Variants in DIAPH1 observed in about 807,000 individuals in gnomAD.
DIAPH1 encodes the protein protein diaphanous homolog 1.
DIAPH1 carries 46 observed loss-of-function variants against 140.7 expected under a neutral mutation model. The ratio of observed to expected loss-of-function variants is 0.33; its 90% CI spans 0.26 to 0.42. DIAPH1 has a LOEUF of 0.42. DIAPH1 is among the 10% of genes least tolerant of loss of function. The pLI is 1.00. For synonymous variants in DIAPH1, 565 were observed against 551.6 expected, an observed-to-expected ratio of 1.02 and a Z score of -0.34; for missense variants, 1,310 against 1,558.7, an observed-to-expected ratio of 0.84 and a Z score of 2.69.
At chr5:141,587,518 T>C (rs1206195085) in intron 2 of DIAPH1, 1 of 348,204 alleles carries the variant, frequency 2.9e-6, no homozygotes, top group Non-Finnish European at 5.4e-6. Context: ...TGAAAGCCTC[T>C]CATGACAGAG....
intron 18 of DIAPH1, among the ~76,000 whole-genome samples, chr5:141,540,867 C>A (rs1169492816): frequency 6.6e-6 from 1 of 151,772 alleles, no homozygotes; most frequent in East Asian, 2.0e-4. Flanking sequence ...CGAGACCACC[C>A]TGGGCAACAA....
In DIAPH1 at chr5:141,526,095, C is replaced by A; in HGVS notation, c.3517G>T (p.Glu1173Ter). The A allele has an allele frequency of 6.2e-7, 1 of 1,614,162 alleles. No individual in the cohort carries two copies. Among genetic ancestry groups the A allele is most frequent in the Non-Finnish European group, 8.5e-7 (1 of 1,180,038 alleles). The change falls in exon 26 of 28, where the codon GAG (glutamate) becomes TAG (stop). Residue 1173 changes from glutamate to a stop codon, truncating the protein, a stop_gained. Coordinates refer to ENST00000389054, the MANE Select transcript of DIAPH1 (RefSeq NM_005219.5). LOFTEE classifies it high-confidence loss of function. ...TGCTGCTTCTCTAGCCGCTCCTTCTCTGCCTTCTCCTTGGCTAGTTTTGCT... is the reference window on the plus strand; with the variant it reads ...TGCTGCTTCTCTAGCCGCTCCTTCTATGCCTTCTCCTTGGCTAGTTTTGCT... Reference protein sequence around the residue: ...RRAKLAKEKAEKERLEKQQKR... With the variant: ...RRAKLAKEKA
intron 18 of DIAPH1, among the ~76,000 whole-genome samples, chr5:141,567,465 G>A (rs1002453063): frequency 6.6e-6 from 1 of 152,162 alleles, no homozygotes; most frequent in African/African-American, 2.4e-5. Flanking sequence ...CAAAACCCAA[G>A]AGAAGCTAAG....
At chr5:141,618,694 C>T in intron 1 of DIAPH1, 104 bp downstream of exon 1, 1 of 729,342 alleles carries the variant, frequency 1.4e-6, no homozygotes, top group African/African-American at 1.9e-5. Context: ...AAGGAAGGCG[C>T]GGGGGCGGCT....
chr5:141,600,766 G>A (rs1230579122), intron 1 of DIAPH1, among the ~76,000 whole-genome samples: 7 of 152,124 alleles, frequency 4.6e-5, no homozygotes, highest in Admixed American at 1.3e-4. Flanking sequence ...TAGACTAGTG[G>A]ATGCTTTATG....
intron 1 of DIAPH1, among the ~76,000 whole-genome samples, chr5:141,594,041 C>T (rs938097100): frequency 6.6e-6 from 1 of 152,160 alleles, no homozygotes; most frequent in African/African-American, 2.4e-5. Flanking sequence ...AGCGATCTGC[C>T]CACCTCGGCC....
intron 18 of DIAPH1, among the ~76,000 whole-genome samples, chr5:141,545,917 C>A (rs559092143): frequency 1.3e-5 from 2 of 152,214 alleles, no homozygotes; most frequent in East Asian, 3.9e-4. Context: ...AGTGTTGGGA[C>A]GACTGGCTTT....
intron 1 of DIAPH1, among the ~76,000 whole-genome samples, chr5:141,591,850 G>A (rs182958142): frequency 0.012 from 1,820 of 150,010 alleles, 45 homozygotes; most frequent in African/African-American, 0.043. Context: ...TTGGGAGGCC[G>A]AGTCGGGTGG....
chr5:141,609,902 G>A (rs922716705), intron 1 of DIAPH1, among the ~76,000 whole-genome samples: 1 of 152,180 alleles, frequency 6.6e-6, no homozygotes, highest in Non-Finnish European at 1.5e-5. Flanking sequence ...GTTCTCTGTT[G>A]ACCACAGGTG....
intron 19 of DIAPH1, among the ~76,000 whole-genome samples, chr5:141,533,191 C>T (rs911005667): frequency 9.9e-5 from 15 of 152,128 alleles, no homozygotes; most frequent in African/African-American, 3.1e-4. Flanking sequence ...CGGAAAATAC[C>T]CTTTCATCTC....
intron 11 of DIAPH1, among the ~76,000 whole-genome samples, chr5:141,577,806 C>T (rs1405664385): frequency 1.3e-5 from 2 of 152,142 alleles, no homozygotes; most frequent in Non-Finnish European, 2.9e-5. Context: ...ACAGAGGATT[C>T]CTAGTAAGTA....
chr5:141,572,397 C>A (rs779334250), intron 16 of DIAPH1, among the ~76,000 whole-genome samples: 16 of 152,176 alleles, frequency 1.1e-4, no homozygotes, highest in Non-Finnish European at 2.1e-4. Flanking sequence ...ATTTTATGAG[C>A]AAATCCCTAA....
At chr5:141,518,801 C>A in intron 27 of DIAPH1, 1 of 778,284 alleles carries the variant, frequency 1.3e-6, no homozygotes, top group Admixed American at 2.2e-5. Context: ...GGATTACAAG[C>A]ATGAGTCACC....
chr5:141,585,525 G>A (rs2099897403), intron 3 of DIAPH1, among the ~76,000 whole-genome samples: 1 of 152,102 alleles, frequency 6.6e-6, no homozygotes, highest in African/African-American at 2.4e-5. Context: ...AAGAAAAAGA[G>A]GTGCAGTGGC....
intron 27 of DIAPH1, among the ~76,000 whole-genome samples, chr5:141,519,357 G>A (rs1343355490): frequency 1.3e-5 from 2 of 151,970 alleles, no homozygotes. Context: ...TCCAACAGTT[G>A]AGAAGACACT....
At chr5:141,602,536 T>C (rs934057991) in intron 1 of DIAPH1, among the ~76,000 whole-genome samples, 1 of 152,230 alleles carries the variant, frequency 6.6e-6, no homozygotes, top group Admixed American at 6.5e-5. Flanking sequence ...ATTTATCACA[T>C]TTCCACTAAA....
intron 18 of DIAPH1, among the ~76,000 whole-genome samples, chr5:141,535,800 C>T (rs142789100): frequency 0.011 from 1,732 of 152,192 alleles, 26 homozygotes; most frequent in African/African-American, 0.028. Context: ...GGAATATCCC[C>T]GAAAGGAGAG....
intron 1 of DIAPH1, among the ~76,000 whole-genome samples, chr5:141,611,239 C>T (rs1421077471): frequency 6.6e-6 from 1 of 152,072 alleles, no homozygotes; most frequent in Non-Finnish European, 1.5e-5. Context: ...AAGTGAGATC[C>T]ATTCTCTTTT....
At chr5:141,602,839 A>C (rs2099900370) in intron 1 of DIAPH1, among the ~76,000 whole-genome samples, 1 of 152,220 alleles carries the variant, frequency 6.6e-6, no homozygotes, top group Admixed American at 6.5e-5. Context: ...TCCATTTTCA[A>C]GGAATGGCCC....
Sources: allele counts gnomAD v4.1 joint callset (sites outside exome capture counted in the v4.1 genomes callset), GRCh38; gene constraint gnomAD v4.1.1; transcripts MANE v1.5; gene names NCBI Gene and HGNC (gene_info 2026-07-23, HGNC 2026-07-21).